ZDHHC14: variants seen among roughly 807,000 people sequenced by gnomAD.
The protein encoded by ZDHHC14 is palmitoyltransferase ZDHHC14.
Under a neutral mutation model 47.7 loss-of-function variants are expected in ZDHHC14, and 16 were observed. That is an observed-to-expected ratio of 0.34 (90% CI 0.23 to 0.51). The LOEUF (loss-of-function observed/expected upper bound fraction) is 0.51, where lower values mean the gene tolerates loss of function less well. ZDHHC14 is among the 20% of genes least tolerant of loss of function. The probability of loss-of-function intolerance (pLI) is 0.97; values close to 1 mark genes in which losing one functional copy is unlikely to be tolerated. For missense variants in ZDHHC14, 515 were observed against 662.5 expected, an observed-to-expected ratio of 0.78 and a Z score of 2.44; for synonymous variants, 293 against 278.9, an observed-to-expected ratio of 1.05 and a Z score of -0.50.
chr6:157,464,261 T>C (rs1381756926), intron 1 of ZDHHC14, among the ~76,000 whole-genome samples: 1 of 152,218 alleles, frequency 6.6e-6, no homozygotes, highest in East Asian at 1.9e-4. Flanking sequence ...AATATTCCGT[T>C]TGCATGTATA....
intron 1 of ZDHHC14, among the ~76,000 whole-genome samples, chr6:157,488,969 G>T (rs1779846651): frequency 6.6e-6 from 1 of 152,212 alleles, no homozygotes; most frequent in African/African-American, 2.4e-5. Flanking sequence ...ACAAGGAAGA[G>T]TTGTTACTCT....
At chr6:157,397,023 C>G (rs1307230940) in intron 1 of ZDHHC14, among the ~76,000 whole-genome samples, 1 of 152,192 alleles carries the variant, frequency 6.6e-6, no homozygotes, top group African/African-American at 2.4e-5. Flanking sequence ...CAAGAATGAT[C>G]TATCAGGACA....
intron 1 of ZDHHC14, among the ~76,000 whole-genome samples, chr6:157,527,279 G>A (rs1470050393): frequency 6.6e-6 from 1 of 152,150 alleles, no homozygotes; most frequent in Non-Finnish European, 1.5e-5. Context: ...ATCGACTCCA[G>A]GAGCTCCCCA....
At chr6:157,650,893 C>T (rs532817571) in intron 7 of ZDHHC14, among the ~76,000 whole-genome samples, 120 of 152,276 alleles carry the variant, frequency 7.9e-4, no homozygotes, top group African/African-American at 2.9e-3. Flanking sequence ...GACAGGGGGT[C>T]GGTGCTTTTG....
chr6:157,479,453 A>G (rs1020461734), intron 1 of ZDHHC14, among the ~76,000 whole-genome samples: 15 of 152,268 alleles, frequency 9.9e-5, no homozygotes, highest in Non-Finnish European at 2.1e-4. Flanking sequence ...CCTTCTTCTC[A>G]GGCAGCCCCT....
At chr6:157,628,551 G>T in intron 4 of ZDHHC14, 65 bp downstream of exon 4, 2 of 1,566,508 alleles carry the variant, frequency 1.3e-6, no homozygotes, top group South Asian at 1.2e-5. Context: ...TTTCCTATTT[G>T]ATTTTGATTT....
At chr6:157,557,101 A>T (rs1464260590) in intron 2 of ZDHHC14, among the ~76,000 whole-genome samples, 1 of 152,212 alleles carries the variant, frequency 6.6e-6, no homozygotes, top group Non-Finnish European at 1.5e-5. Flanking sequence ...CTCCAGCTGC[A>T]GTCACCTTCT....
chr6:157,601,663 A>G (rs16900291), intron 3 of ZDHHC14, among the ~76,000 whole-genome samples: 48,855 of 152,112 alleles, frequency 0.32, 8,279 homozygotes, highest in African/African-American at 0.4. Flanking sequence ...AAACAATAAC[A>G]TTTCAAACCT....
intron 1 of ZDHHC14, among the ~76,000 whole-genome samples, chr6:157,448,503 A>C (rs1434608173): frequency 6.6e-6 from 1 of 152,210 alleles, no homozygotes; most frequent in African/African-American, 2.4e-5. Flanking sequence ...ACTTCCATAT[A>C]CTAACCCTAC....
chr6:157,454,382 AC>A (rs1778866552), intron 1 of ZDHHC14, among the ~76,000 whole-genome samples: 1 of 152,198 alleles, frequency 6.6e-6, no homozygotes, highest in African/African-American at 2.4e-5. Flanking sequence ...ATGTTAACAT[AC>A]CACACTCTTT....
At chr6:157,536,758 A>G (rs1002383867) in intron 1 of ZDHHC14, among the ~76,000 whole-genome samples, 1 of 151,900 alleles carries the variant, frequency 6.6e-6, no homozygotes, top group Non-Finnish European at 1.5e-5. Context: ...TTGATGCTAA[A>G]ATGATTTTAT....
chr6:157,408,606 C>G (rs1280794451), intron 1 of ZDHHC14, among the ~76,000 whole-genome samples: 1 of 152,186 alleles, frequency 6.6e-6, no homozygotes, highest in Non-Finnish European at 1.5e-5. Context: ...TGCCTTCCAG[C>G]TCCATCCATG....
intron 1 of ZDHHC14, among the ~76,000 whole-genome samples, chr6:157,508,814 C>T (rs1780392561): frequency 3.3e-5 from 5 of 151,788 alleles, no homozygotes; most frequent in Admixed American, 3.3e-4. Context: ...CCTGCAATAT[C>T]TTTCAGTACC....
intron 1 of ZDHHC14, among the ~76,000 whole-genome samples, chr6:157,540,797 C>CA (rs11460022): frequency 0.15 from 22,737 of 150,532 alleles, 2,412 homozygotes; most frequent in African/African-American, 0.3. Context: ...CATTTTGTAA[C>CA]AAAAAATTCC....
At chr6:157,579,951 C>T (rs1430995762) in intron 2 of ZDHHC14, among the ~76,000 whole-genome samples, 1 of 152,170 alleles carries the variant, frequency 6.6e-6, no homozygotes, top group Non-Finnish European at 1.5e-5. Context: ...GAGAGGGCAT[C>T]CTTGTCTTGT....
chr6:157,449,671 G>A (rs1469441102), intron 1 of ZDHHC14, among the ~76,000 whole-genome samples: 1 of 152,102 alleles, frequency 6.6e-6, no homozygotes, highest in Non-Finnish European at 1.5e-5. Context: ...ACTTACTTGA[G>A]CTTACTTTTC....
intron 5 of ZDHHC14, among the ~76,000 whole-genome samples, chr6:157,644,252 G>A (rs920201087): frequency 6.6e-6 from 1 of 152,224 alleles, no homozygotes; most frequent in Admixed American, 6.5e-5. Flanking sequence ...GGGGATGTGG[G>A]TGGAGAGAGG....
intron 1 of ZDHHC14, among the ~76,000 whole-genome samples, chr6:157,482,279 G>A (rs990009995): frequency 4.3e-4 from 18 of 42,148 alleles, no homozygotes; most frequent in Admixed American, 4.2e-3. Flanking sequence ...TTTTTTTTTT[G>A]AGATGGAGTC....
Position 157,600,801 on chromosome 6 carries a change from C to T in ZDHHC14, c.565+7655C>T, listed in dbSNP as rs529137623. On this transcript the variant is annotated intron_variant, in intron 3 of 8. Transcript: ENST00000359775. ...CCCATGACTGCCCCTTCCCCTCACA[C>T]CCCCCGGGTTGCTCCAATGGTTATG... is the stretch of plus-strand genomic sequence containing the variant. Among the ~76,000 whole-genome samples, 34 of 152,228 alleles carry T rather than the reference C, an allele frequency of 2.2e-4. No homozygotes were observed. In the South Asian group the frequency reaches 6.8e-3, roughly 31 times the overall value.
Sources: allele counts gnomAD v4.1 joint callset (sites outside exome capture counted in the v4.1 genomes callset), GRCh38; gene constraint gnomAD v4.1.1; transcripts MANE v1.5; gene names NCBI Gene and HGNC (gene_info 2026-07-23, HGNC 2026-07-21).